Variants in TM9SF2 observed in about 807,000 individuals in gnomAD.
TM9SF2 encodes 76 kDa membrane protein.
Under a neutral mutation model 84.9 loss-of-function variants are expected in TM9SF2, and 13 were observed. That is an observed-to-expected ratio of 0.15 (90% confidence interval 0.10 to 0.24). The LOEUF is 0.24. Among genes scored for constraint, TM9SF2 ranks in the 10% least tolerant of loss-of-function variants. TM9SF2 has a pLI of 1.00. For synonymous variants in TM9SF2, 273 were observed against 285.8 expected (o/e 0.96, Z 0.45); for missense variants, 562 against 818.5 (o/e 0.69, Z 3.82).
intron 16 of TM9SF2, among the ~76,000 whole-genome samples, chr13:99,561,776 A>G (rs1594064347): frequency 1.3e-5 from 2 of 152,242 alleles, no homozygotes; most frequent in African/African-American, 2.4e-5. Context: ...AGGATTATTT[A>G]TAGTCCCTTA....
chr13:99,538,544 G>C (rs566424156), intron 6 of TM9SF2, among the ~76,000 whole-genome samples: 5 of 151,510 alleles, frequency 3.3e-5, no homozygotes, highest in African/African-American at 4.9e-5. Flanking sequence ...CCTGTAATCT[G>C]AACACTTTGG....
chr13:99,530,724 T>C (rs1312755083), intron 4 of TM9SF2, among the ~76,000 whole-genome samples: 1 of 152,244 alleles, frequency 6.6e-6, no homozygotes, highest in Non-Finnish European at 1.5e-5. Flanking sequence ...TACATTTTGC[T>C]TAGCCTTTCA....
chr13:99,503,295 G>A (rs1341174445), intron 1 of TM9SF2, among the ~76,000 whole-genome samples: 2 of 151,600 alleles, frequency 1.3e-5, no homozygotes, highest in East Asian at 3.8e-4. Flanking sequence ...CAAAGTAAGG[G>A]ACATAAGCTT....
At chr13:99,518,699 T>G (rs1335185448) in intron 2 of TM9SF2, among the ~76,000 whole-genome samples, 1 of 151,762 alleles carries the variant, frequency 6.6e-6, no homozygotes, top group African/African-American at 2.4e-5. Flanking sequence ...TGGGCTTAGG[T>G]GATCCTCTCA....
intron 2 of TM9SF2, among the ~76,000 whole-genome samples, chr13:99,519,172 T>C (rs1210693096): frequency 6.6e-6 from 1 of 152,188 alleles, no homozygotes; most frequent in Non-Finnish European, 1.5e-5. Flanking sequence ...CATCTAATTA[T>C]TGGATACTTA....
At chr13:99,539,333 T>C in intron 6 of TM9SF2, 113 bp from the exon 7 acceptor site, 2 of 697,210 alleles carry the variant, frequency 2.9e-6, no homozygotes, top group Non-Finnish European at 5.2e-6. Flanking sequence ...GTGACATGAA[T>C]AATTTCACCT....
Position 99,532,267 on chromosome 13 carries a change from G to T in TM9SF2, c.461+2673G>T, listed in dbSNP as rs928285946. Among the ~76,000 whole-genome samples the T allele has an allele frequency of 2.4e-3, 368 of 151,748 alleles. 4 individuals are homozygous for T. Among genetic ancestry groups the T allele is most frequent in the African/African-American group, 8.6e-3 (355 of 41,432 alleles). ...GGGTTTCACTGTGTTAGCCAGGATG[G>T]TCTCGATCTCCTGACCTCGTGATCC... On this transcript the variant is annotated intron_variant, in intron 4 of 16. Transcript: ENST00000376387.
At position 99,508,404 on chromosome 13, in the gene TM9SF2, AACACACACACACACACACAC is replaced by A. The variant is rs61561266; in HGVS notation, c.171+6648_171+6667del. On this transcript the variant is annotated intron_variant, in intron 1 of 16. Transcript: ENST00000376387. Reference sequence around the variant, plus strand: ...AGAGTGGGAAAAAAAAGGCAAACAAAACACACACACACACACACACACACACACACACACACACACCCCAG... The same window carrying A: ...AGAGTGGGAAAAAAAAGGCAAACAAAACACACACACACACACACACCCCAG... Among the ~76,000 whole-genome samples, 48 of 134,510 alleles carry A rather than the reference AACACACACACACACACACAC, an allele frequency of 3.6e-4. 1 individual carries two copies. In the South Asian group the frequency reaches 8.9e-3, roughly 25 times the overall value. The allele number at this position is 134,510 out of a possible 152,430, so 88.2% of individuals were successfully genotyped here. A position where few individuals can be genotyped will look rare whatever the true frequency, so the allele number is the denominator to read the frequency against.
rs536382385 is a variant in TM9SF2 at position 99,520,187 on chromosome 13, A to G, written c.333+58A>G. On this transcript the variant is annotated intron_variant, in intron 3 of 16. Transcript: ENST00000376387. ...CTTACAGCTTTTGTTTTTGTTATTT[A>G]AGAAAAGCCTGAGATAACTCAGCTA... 3.9e-5 allele frequency: 57 copies of G among 1,458,764 alleles called. No individual in the cohort carries two copies. The African/African-American group carries it at 4.1e-4, about 11-fold the overall frequency. The allele number at this position is 1,458,764 out of a possible 1,614,324, so 90.4% of individuals were successfully genotyped here.
At chr13:99,519,949 G>A in intron 2 of TM9SF2, 87 bp from the exon 3 acceptor site, 7 of 1,152,798 alleles carry the variant, frequency 6.1e-6, no homozygotes, top group Non-Finnish European at 8.9e-6. Context: ...ACAATGATCA[G>A]TACCTAATCT....
intron 7 of TM9SF2, 135 bp downstream of exon 7, chr13:99,539,692 C>T (rs757666407): frequency 4.7e-6 from 3 of 634,654 alleles, no homozygotes; most frequent in East Asian, 2.8e-5. Flanking sequence ...GATAGTTTGT[C>T]GGTGTACCAA....
chr13:99,510,987 A>G (rs1414868254), intron 1 of TM9SF2, among the ~76,000 whole-genome samples: 1 of 152,072 alleles, frequency 6.6e-6, no homozygotes, highest in East Asian at 1.9e-4. Context: ...TGCAAATTCT[A>G]CTATTTTTTT....
chr13:99,514,949 G>C (rs2046127922), intron 1 of TM9SF2, among the ~76,000 whole-genome samples: 1 of 152,220 alleles, frequency 6.6e-6, no homozygotes, highest in Non-Finnish European at 1.5e-5. Flanking sequence ...CTACAGATCA[G>C]AACGTTGAGG....
intron 4 of TM9SF2, among the ~76,000 whole-genome samples, chr13:99,533,336 C>A (rs1048255080): frequency 6.6e-6 from 1 of 152,308 alleles, no homozygotes. Context: ...TATTATTTCT[C>A]ATGTGTGTTT....
At position 99,562,977 on chromosome 13, in the gene TM9SF2, T is replaced by G; in HGVS notation, c.*219T>G. 1 of 429,308 alleles carries G rather than the reference T, an allele frequency of 2.3e-6. No individual in the cohort carries two copies. Among genetic ancestry groups the G allele is most frequent in the Non-Finnish European group, 4.1e-6 (1 of 242,522 alleles). The allele number at this position is 429,308 out of a possible 1,614,324, so 26.6% of individuals were successfully genotyped here. A position where few individuals can be genotyped will look rare whatever the true frequency, so the allele number is the denominator to read the frequency against. ...TATTGTGATTTGATTAAGTATATATTTGGTTGTTCTCAATGAAGAGCAAAT... is the reference window on the plus strand; with the variant it reads ...TATTGTGATTTGATTAAGTATATATGTGGTTGTTCTCAATGAAGAGCAAAT... On this transcript the variant is annotated 3_prime_UTR_variant, in exon 17 of 17. Coordinates refer to ENST00000376387, the MANE Select transcript of TM9SF2 (RefSeq NM_004800.3).
intron 1 of TM9SF2, among the ~76,000 whole-genome samples, chr13:99,510,157 T>C (rs564175489): frequency 2.6e-4 from 40 of 152,320 alleles, no homozygotes; most frequent in African/African-American, 9.4e-4. Context: ...CCCAGTAACC[T>C]TCTCATTTCC....
At chr13:99,528,546 A>C (rs2046194170) in intron 3 of TM9SF2, among the ~76,000 whole-genome samples, 1 of 152,186 alleles carries the variant, frequency 6.6e-6, no homozygotes. Context: ...ATTTTGGTGT[A>C]ATATTGTCTC....
intron 4 of TM9SF2, among the ~76,000 whole-genome samples, chr13:99,534,026 C>T (rs2046223050): frequency 6.6e-6 from 1 of 152,190 alleles, no homozygotes; most frequent in Non-Finnish European, 1.5e-5. Context: ...TTTTGGCTTA[C>T]TCTGTCAGTA....
At chr13:99,519,075 A>G (rs902945716) in intron 2 of TM9SF2, among the ~76,000 whole-genome samples, 1 of 152,178 alleles carries the variant, frequency 6.6e-6, no homozygotes, top group Non-Finnish European at 1.5e-5. Context: ...AGTATACACA[A>G]AAAAGTTACG....
Sources: allele counts gnomAD v4.1 joint callset (sites outside exome capture counted in the v4.1 genomes callset), GRCh38; gene constraint gnomAD v4.1.1; transcripts MANE v1.5; gene names NCBI Gene and HGNC (gene_info 2026-07-23, HGNC 2026-07-21).